The following PYHIN1 variants were observed in gnomAD, a reference collection of about 807,000 sequenced individuals.
PYHIN1 encodes the protein pyrin and HIN domain-containing protein 1.
In PYHIN1, 32 loss-of-function variants were observed where a neutral mutation model predicts 43.7. The ratio of observed to expected loss-of-function variants is 0.73; its 90% CI spans 0.55 to 0.98. The LOEUF is 0.98. Ranked by LOEUF, PYHIN1 falls within the 50% of genes least tolerant of loss-of-function variation. PYHIN1 has a pLI of 0.00. For missense variants in PYHIN1, 588 were observed against 589.5 expected, an observed-to-expected ratio of 1.00 and a Z score of 0.03; for synonymous variants, 205 against 203.1, an observed-to-expected ratio of 1.01 and a Z score of -0.08.
chr1:158,963,116 C>CA (rs1557840367), intron 7 of PYHIN1, among the ~76,000 whole-genome samples: 21 of 152,248 alleles, frequency 1.4e-4, no homozygotes, highest in Admixed American at 5.2e-4. Context: ...CCAGTAGCAG[C>CA]GGCTCTGCAT....
At chr1:158,944,090 A>G in intron 6 of PYHIN1, 112 bp downstream of exon 6, 1 of 763,248 alleles carries the variant, frequency 1.3e-6, no homozygotes, top group Non-Finnish European at 2.0e-6. Context: ...AGAGTTCATG[A>G]GAAACCAAAT....
chr1:158,984,289 A>G, the PYHIN1 span, among the ~76,000 whole-genome samples: 21 of 152,058 alleles, frequency 1.4e-4, no homozygotes, highest in Non-Finnish European at 2.5e-4. Context: ...CTTTAGTGCT[A>G]TAAACTTTTC....
At chr1:158,987,990 T>C in the PYHIN1 span, among the ~76,000 whole-genome samples, 2 of 152,190 alleles carry the variant, frequency 1.3e-5, no homozygotes, top group Non-Finnish European at 2.9e-5. Context: ...ATAGTAAGGT[T>C]ATGCATCTAT....
In PYHIN1 at chr1:158,976,908, A is replaced by AG; in HGVS notation, c.*213_*214insG. On this transcript the variant is annotated 3_prime_UTR_variant, in exon 9 of 9. Transcript: ENST00000368140. ...TATATATATATATATATATATATAT[A>AG]TATATATACCAGCTATTAATTCTAG... 5.2e-6 allele frequency: 1 copy of AG among 191,018 alleles called. No homozygotes were observed. 11.8% of individuals were successfully genotyped at this position (191,018 alleles called of 1,614,324 possible).
intron 1 of PYHIN1, among the ~76,000 whole-genome samples, chr1:158,936,251 C>G (rs1357173544): frequency 7.3e-6 from 1 of 137,542 alleles, no homozygotes; most frequent in African/African-American, 2.7e-5. Flanking sequence ...CGATGTTCCC[C>G]GTCCTGTGTC....
rs1161068188 is a variant in PYHIN1 at position 158,938,611 on chromosome 1, A to G, written c.411+69A>G. The stretch of plus-strand genomic sequence containing the variant: ...AGCTCTGCTGTGGCTGTTCCACTCA[A>G]TCTGTCCAGCAGGCAGTTATTTCTT... On this transcript the variant is annotated intron_variant, in intron 3 of 8. Coordinates refer to ENST00000368140, the MANE Select transcript of PYHIN1 (RefSeq NM_152501.5). 2.7e-5 allele frequency: 41 copies of G among 1,526,970 alleles called. No homozygotes were observed. In the East Asian group the frequency reaches 8.8e-4, roughly 33 times the overall value. 94.6% of individuals were successfully genotyped at this position (1,526,970 alleles called of 1,614,324 possible).
chr1:158,960,473 A>G (rs1650257350), intron 7 of PYHIN1, among the ~76,000 whole-genome samples: 1 of 152,236 alleles, frequency 6.6e-6, no homozygotes, highest in African/African-American at 2.4e-5. Context: ...CCAGGAGGAT[A>G]TTATGCCTTT....
chr1:158,984,529 T>A, the PYHIN1 span, among the ~76,000 whole-genome samples: 9 of 152,272 alleles, frequency 5.9e-5, no homozygotes, highest in African/African-American at 2.2e-4. Context: ...ATAATTTCTG[T>A]TTTTTGAATT....
the PYHIN1 span, among the ~76,000 whole-genome samples, chr1:158,987,121 G>A: frequency 6.6e-6 from 1 of 152,098 alleles, no homozygotes; most frequent in Non-Finnish European, 1.5e-5. Flanking sequence ...CAGTTGTGAG[G>A]TGATGGGATA....
At chr1:158,952,680 C>T (rs545601632) in intron 7 of PYHIN1, among the ~76,000 whole-genome samples, 28 of 152,288 alleles carry the variant, frequency 1.8e-4, no homozygotes, top group African/African-American at 6.3e-4. Context: ...AAGCCCATAG[C>T]GTTAGGGCTG....
the PYHIN1 span, among the ~76,000 whole-genome samples, chr1:158,987,586 T>A: frequency 6.6e-6 from 1 of 152,240 alleles, no homozygotes; most frequent in Non-Finnish European, 1.5e-5. Context: ...GCATTCGATA[T>A]CATATCTTAG....
intron 7 of PYHIN1, among the ~76,000 whole-genome samples, chr1:158,967,083 A>G (rs1032821423): frequency 6.6e-6 from 1 of 152,168 alleles, no homozygotes; most frequent in Non-Finnish European, 1.5e-5. Context: ...CCAAGCTGAG[A>G]GTCAAAACAG....
chr1:158,985,109 C>A, the PYHIN1 span, among the ~76,000 whole-genome samples: 1 of 152,130 alleles, frequency 6.6e-6, no homozygotes, highest in Non-Finnish European at 1.5e-5. Flanking sequence ...CTTTATCCAA[C>A]TTACCATTCT....
chr1:158,955,360 C>T lies in PYHIN1; in HGVS notation c.1359+10318C>T, dbSNP rs561384133. ...TGACCACATACTTGGAAGTAAAGCT[C>T]TCCTCAGCAAATGTAAAAGAACAGA... On this transcript the variant is annotated intron_variant, in intron 7 of 8. Transcript: ENST00000368140. Among the ~76,000 whole-genome samples the T allele has an allele frequency of 1.7e-4, 25 of 149,904 alleles. 1 individual carries two copies. The South Asian group carries it at 5.3e-3, about 32-fold the overall frequency.
At chr1:158,959,689 C>A (rs1650212846) in intron 7 of PYHIN1, among the ~76,000 whole-genome samples, 2 of 152,284 alleles carry the variant, frequency 1.3e-5, no homozygotes, top group African/African-American at 4.8e-5. Flanking sequence ...ATTGTTGGTT[C>A]TCTCAGGTCC....
intron 7 of PYHIN1, among the ~76,000 whole-genome samples, chr1:158,957,464 A>G (rs1035553720): frequency 2.0e-5 from 3 of 151,810 alleles, no homozygotes; most frequent in African/African-American, 7.2e-5. Flanking sequence ...ATCTACAACT[A>G]TCTGATCTTT....
chr1:158,973,635 T>G lies in PYHIN1; in HGVS notation c.1360-12T>G, dbSNP rs763785911. On this transcript the variant is annotated splice_polypyrimidine_tract_variant and intron_variant, in intron 7 of 8. Transcript: ENST00000368140. ...AAGTGAAAGACTAAATTACCCAAATTTATGACTCCAGAAGGATGAAACCCA... is the reference window on the plus strand; with the variant it reads ...AAGTGAAAGACTAAATTACCCAAATGTATGACTCCAGAAGGATGAAACCCA... The G allele has an allele frequency of 3.7e-6, 6 of 1,611,854 alleles. No individual in the cohort carries two copies. The highest frequency in any genetic ancestry group is 2.7e-5 in the African/African-American group (2 of 74,648).
chr1:158,950,775 G>T (rs190247629), intron 7 of PYHIN1, among the ~76,000 whole-genome samples: 1,582 of 152,216 alleles, frequency 0.01, 34 homozygotes, highest in African/African-American at 0.037. Context: ...GAGTCGGCAC[G>T]TTCTACCATG....
rs1235667133 is a variant in PYHIN1 at position 158,935,176 on chromosome 1, T to G, written c.-20-1715T>G. On this transcript the variant is annotated intron_variant, in intron 1 of 8. Transcript: ENST00000368140. ...AAATGTTGTAGGAGAGGCAGTCAGATAGAGGAATGTGGGAATGGCTTTCCA... is the reference window on the plus strand; with the variant it reads ...AAATGTTGTAGGAGAGGCAGTCAGAGAGAGGAATGTGGGAATGGCTTTCCA... Among the ~76,000 whole-genome samples, 6 of 151,520 alleles carry G rather than the reference T, an allele frequency of 4.0e-5. No homozygotes were observed. In the East Asian group the frequency reaches 9.7e-4, roughly 25 times the overall value.
Sources: allele counts gnomAD v4.1 joint callset (sites outside exome capture counted in the v4.1 genomes callset), GRCh38; gene constraint gnomAD v4.1.1; transcripts MANE v1.5; gene names NCBI Gene and HGNC (gene_info 2026-07-23, HGNC 2026-07-21).